TMEM132D: variants seen among roughly 807,000 people sequenced by gnomAD.
The protein encoded by TMEM132D is mature OL transmembrane protein.
TMEM132D carries 21 observed loss-of-function variants against 62.3 expected under a neutral mutation model. The ratio of observed to expected loss-of-function variants is 0.34; its 90% CI spans 0.24 to 0.49. The LOEUF is 0.49. TMEM132D is among the 20% of genes least tolerant of loss of function. The pLI is 0.99. For missense variants in TMEM132D, 1,346 were observed against 1,402.8 expected (o/e 0.96, Z 0.65); for synonymous variants, 621 against 575.6 (o/e 1.08, Z -1.13).
intron 4 of TMEM132D, among the ~76,000 whole-genome samples, chr12:129,279,830 C>G (rs1052888401): frequency 6.6e-6 from 1 of 152,220 alleles, no homozygotes; most frequent in Admixed American, 6.5e-5. Flanking sequence ...CAATTCACTT[C>G]TAAATGACAT....
intron 4 of TMEM132D, among the ~76,000 whole-genome samples, chr12:129,336,016 G>C (rs1869261371): frequency 6.6e-6 from 1 of 152,206 alleles, no homozygotes; most frequent in African/African-American, 2.4e-5. Context: ...TGGAATCCAT[G>C]CACCTGACTG....
chr12:129,315,427 T>C (rs953785455), intron 4 of TMEM132D, among the ~76,000 whole-genome samples: 1 of 152,206 alleles, frequency 6.6e-6, no homozygotes, highest in African/African-American at 2.4e-5. Context: ...TTTAATTCTG[T>C]TTATGTGGTG....
chr12:129,213,881 G>A (rs186416365), intron 4 of TMEM132D, among the ~76,000 whole-genome samples: 21 of 152,280 alleles, frequency 1.4e-4, no homozygotes, highest in African/African-American at 3.6e-4. Context: ...CATTCCAACC[G>A]TAGCAGTGTG....
chr12:129,406,785 C>G (rs114369811), intron 3 of TMEM132D, among the ~76,000 whole-genome samples: 2,378 of 152,276 alleles, frequency 0.016, 66 homozygotes, highest in African/African-American at 0.053. Flanking sequence ...GATGGCAGCC[C>G]TGCGCCTCCA....
At chr12:129,570,732 T>C (rs1350558363) in intron 2 of TMEM132D, among the ~76,000 whole-genome samples, 1 of 152,270 alleles carries the variant, frequency 6.6e-6, no homozygotes, top group Non-Finnish European at 1.5e-5. Flanking sequence ...TCTGCTGTTA[T>C]TGGTGGTTGT....
At chr12:129,543,219 GTGGGTGGATGGATGGA>G in intron 2 of TMEM132D, among the ~76,000 whole-genome samples, 1 of 124,604 alleles carries the variant, frequency 8.0e-6, no homozygotes, top group African/African-American at 3.1e-5. Context: ...GAGTGGGTGG[GTGGGTGGATGGATGGA>G]TGGATGAGTG....
intron 3 of TMEM132D, among the ~76,000 whole-genome samples, chr12:129,514,052 GA>G (rs1875599908): frequency 6.7e-6 from 1 of 149,914 alleles, no homozygotes; most frequent in Non-Finnish European, 1.5e-5. Context: ...TGTCAGCCAG[GA>G]TGGTCTCGAT....
chr12:129,403,709 C>T (rs1365625193), intron 3 of TMEM132D, among the ~76,000 whole-genome samples: 2 of 151,998 alleles, frequency 1.3e-5, no homozygotes, highest in African/African-American at 4.8e-5. Context: ...TCTGTTGACT[C>T]GCATGGAGTT....
Position 129,320,448 on chromosome 12 carries a change from T to C in TMEM132D, c.1299+17186A>G, listed in dbSNP as rs544309128. ...GTGCAGGAGACTACTGTGAATTTCC[T>C]AACCCTTTTTAAGCAAGAAAAACTA... On this transcript the variant is annotated intron_variant, in intron 4 of 8. Transcript: ENST00000422113. Among the ~76,000 whole-genome samples, 4 of 152,342 alleles carry C rather than the reference T, an allele frequency of 2.6e-5. No individual in the cohort carries two copies. The South Asian group carries it at 8.3e-4, about 32-fold the overall frequency.
intron 4 of TMEM132D, among the ~76,000 whole-genome samples, chr12:129,302,015 A>T (rs1295612281): frequency 6.6e-6 from 1 of 152,238 alleles, no homozygotes; most frequent in East Asian, 1.9e-4. Flanking sequence ...TCTAAAGGAC[A>T]TAAACTACAG....
intron 2 of TMEM132D, among the ~76,000 whole-genome samples, chr12:129,622,689 C>T (rs1032716963): frequency 1.3e-5 from 2 of 152,200 alleles, no homozygotes; most frequent in Non-Finnish European, 2.9e-5. Flanking sequence ...GTTTCATCTA[C>T]GTAGAACCTG....
intron 1 of TMEM132D, among the ~76,000 whole-genome samples, chr12:129,842,228 G>A (rs987919286): frequency 6.6e-6 from 1 of 151,118 alleles, no homozygotes; most frequent in African/African-American, 2.4e-5. Context: ...GATGACAGGC[G>A]TGAGCCACCG....
At chr12:129,523,491 G>A (rs1052963063) in intron 3 of TMEM132D, among the ~76,000 whole-genome samples, 1 of 152,184 alleles carries the variant, frequency 6.6e-6, no homozygotes, top group African/African-American at 2.4e-5. Flanking sequence ...GAAGCAGTCG[G>A]TATTTTAGTA....
intron 3 of TMEM132D, among the ~76,000 whole-genome samples, chr12:129,417,330 T>C (rs1274660779): frequency 6.6e-6 from 1 of 152,176 alleles, no homozygotes; most frequent in Non-Finnish European, 1.5e-5. Context: ...CAAAACAGGA[T>C]GATACTGGTA....
intron 4 of TMEM132D, among the ~76,000 whole-genome samples, chr12:129,303,753 C>T (rs909314170): frequency 5.3e-5 from 8 of 151,958 alleles, no homozygotes; most frequent in Non-Finnish European, 1.2e-4. Flanking sequence ...CCATGATCTA[C>T]CATTGGCAAG....
At chr12:129,459,569 G>T (rs983238016) in intron 3 of TMEM132D, among the ~76,000 whole-genome samples, 2 of 152,174 alleles carry the variant, frequency 1.3e-5, no homozygotes, top group African/African-American at 4.8e-5. Flanking sequence ...AGGAATTCTA[G>T]AGAAGTGGCC....
chr12:129,736,813 C>CTT lies in TMEM132D; in HGVS notation c.80-36117_80-36116dup, dbSNP rs34164181. On this transcript the variant is annotated intron_variant, in intron 1 of 8. Coordinates refer to ENST00000422113, the MANE Select transcript of TMEM132D (RefSeq NM_133448.3). The stretch of plus-strand genomic sequence containing the variant: ...GCATTAAGTCAACCTATGATGGTGC[C>CTT]TTTTTTTTTTTTTTTTTTTCTGAGA... Among the ~76,000 whole-genome samples, 779 of 126,846 alleles carry CTT rather than the reference C, an allele frequency of 6.1e-3. 8 individuals carry two copies. Among genetic ancestry groups the CTT allele is most frequent in the African/African-American group, 0.022 (730 of 33,828 alleles). The allele number at this position is 126,846 out of a possible 152,430, so 83.2% of individuals were successfully genotyped here.
chr12:129,198,165 A>C (rs981564631), intron 5 of TMEM132D, among the ~76,000 whole-genome samples: 1 of 152,242 alleles, frequency 6.6e-6, no homozygotes, highest in African/African-American at 2.4e-5. Context: ...ATTAAGAATT[A>C]TTAAAAAGAT....
At chr12:129,182,413 C>T (rs922551898) in intron 5 of TMEM132D, among the ~76,000 whole-genome samples, 1 of 152,214 alleles carries the variant, frequency 6.6e-6, no homozygotes, top group African/African-American at 2.4e-5. Flanking sequence ...CACTGCTTCA[C>T]CCTGCAACCA....
Sources: allele counts gnomAD v4.1 joint callset (sites outside exome capture counted in the v4.1 genomes callset), GRCh38; gene constraint gnomAD v4.1.1; transcripts MANE v1.5; gene names NCBI Gene and HGNC (gene_info 2026-07-23, HGNC 2026-07-21).